The following SLAIN2 variants were observed in gnomAD, a reference collection of about 807,000 sequenced individuals.
SLAIN2 encodes SLAIN family member 2.
SLAIN2 carries 31 observed loss-of-function variants against 56.6 expected under a neutral mutation model. The ratio of observed to expected loss-of-function variants is 0.55; its 90% CI spans 0.41 to 0.74. The LOEUF (loss-of-function observed/expected upper bound fraction) is 0.74. Ranked by LOEUF, SLAIN2 falls within the 30% of genes least tolerant of loss-of-function variation. The probability of loss-of-function intolerance (pLI) is 0.00; values close to 1 mark genes in which losing one functional copy is unlikely to be tolerated. For missense variants in SLAIN2, 777 were observed against 754.2 expected, an observed-to-expected ratio of 1.03 and a Z score of -0.35; for synonymous variants, 317 against 284.9, an observed-to-expected ratio of 1.11 and a Z score of -1.13.
At chr4:48,376,065 TAAGAG>T (rs1715801529) in intron 2 of SLAIN2, among the ~76,000 whole-genome samples, 1 of 152,262 alleles carries the variant, frequency 6.6e-6, no homozygotes, top group Non-Finnish European at 1.5e-5. Context: ...GCAAGCCTCT[TAAGAG>T]AGAGAGCACC....
At chr4:48,406,185 T>C (rs1183522507) in intron 6 of SLAIN2, among the ~76,000 whole-genome samples, 3 of 152,166 alleles carry the variant, frequency 2.0e-5, no homozygotes, top group African/African-American at 7.2e-5. Context: ...TGGTAGGCAA[T>C]GGTATTTCAA....
At position 48,423,834 on chromosome 4, in the gene SLAIN2, A is replaced by G. The variant is rs554426750; in HGVS notation, c.*1757A>G. ...GGATGGCGCCAGAATTCTACATGAT[A>G]ATGAACTAAAAAATGTTGCTTTTCA... is the stretch of plus-strand genomic sequence containing the variant. On this transcript the variant is annotated 3_prime_UTR_variant, in exon 8 of 8. Coordinates refer to ENST00000264313, the MANE Select transcript of SLAIN2 (RefSeq NM_020846.2). 13 of 152,254 alleles carry G rather than the reference A, an allele frequency of 8.5e-5. No homozygotes were observed. In the East Asian group the frequency reaches 2.5e-3, roughly 29 times the overall value. The allele number at this position is 152,254 out of a possible 1,614,324, so 9.4% of individuals were successfully genotyped here.
At chr4:48,379,087 T>C (rs1275001035) in intron 3 of SLAIN2, among the ~76,000 whole-genome samples, 2 of 152,150 alleles carry the variant, frequency 1.3e-5, no homozygotes, top group Non-Finnish European at 2.9e-5. Context: ...AAGTTAGACT[T>C]TTTTGGATGT....
chr4:48,381,863 C>CT (rs1295107499), intron 4 of SLAIN2, among the ~76,000 whole-genome samples: 1 of 152,026 alleles, frequency 6.6e-6, no homozygotes, highest in East Asian at 1.9e-4. Flanking sequence ...TACGTATCAA[C>CT]TTTTTTTTCT....
intron 1 of SLAIN2, among the ~76,000 whole-genome samples, chr4:48,369,530 C>G (rs1385956031): frequency 1.3e-5 from 2 of 152,152 alleles, no homozygotes; most frequent in Non-Finnish European, 2.9e-5. Context: ...ATTTAATAAT[C>G]TGGCTATATT....
intron 1 of SLAIN2, among the ~76,000 whole-genome samples, chr4:48,343,567 T>C (rs1714783226): frequency 6.6e-6 from 1 of 152,156 alleles, no homozygotes; most frequent in African/African-American, 2.4e-5. Context: ...CAAAGAGTGA[T>C]AGAACAAAGA....
At chr4:48,379,992 A>G (rs923863169) in intron 4 of SLAIN2, 144 bp downstream of exon 4, 3 of 752,600 alleles carry the variant, frequency 4.0e-6, no homozygotes, top group African/African-American at 1.8e-5. Context: ...CTTAGTCAAC[A>G]TATGTACATG....
intron 3 of SLAIN2, among the ~76,000 whole-genome samples, chr4:48,378,263 C>A (rs1228772498): frequency 6.6e-6 from 1 of 152,142 alleles, no homozygotes; most frequent in South Asian, 2.1e-4. Context: ...GTGCTAAATA[C>A]ATAAAATTTT....
At chr4:48,414,024 A>T (rs1231351021) in intron 6 of SLAIN2, among the ~76,000 whole-genome samples, 1 of 152,186 alleles carries the variant, frequency 6.6e-6, no homozygotes, top group Admixed American at 6.5e-5. Context: ...AAAAGAAAAA[A>T]TATTTTAAGA....
chr4:48,370,052 C>G, intron 2 of SLAIN2, 55 bp downstream of exon 2: 1 of 1,556,690 alleles, frequency 6.4e-7, no homozygotes, highest in South Asian at 1.2e-5. Flanking sequence ...TAGTCAAAAA[C>G]CATAAATATT....
At chr4:48,417,424 A>T (rs1717024201) in intron 6 of SLAIN2, among the ~76,000 whole-genome samples, 3 of 35,740 alleles carry the variant, frequency 8.4e-5, no homozygotes, top group East Asian at 5.5e-4. Context: ...CAGAGGTACA[A>T]GGAGGAACTG....
intron 1 of SLAIN2, among the ~76,000 whole-genome samples, chr4:48,352,860 C>T (rs945633615): frequency 3.9e-5 from 6 of 152,138 alleles, no homozygotes; most frequent in African/African-American, 1.4e-4. Flanking sequence ...ATAAGCCCCA[C>T]GTGTTGTGGG....
chr4:48,424,310 CT>C lies in SLAIN2; in HGVS notation c.*2234del, dbSNP rs1018847024. On this transcript the variant is annotated 3_prime_UTR_variant, in exon 8 of 8. Coordinates refer to ENST00000264313, the MANE Select transcript of SLAIN2 (RefSeq NM_020846.2). Reference sequence around the variant, plus strand: ...AAAGCCTTTGTATATTGCAATTTTTCTGTTTGGGAAAATCTAAGGATTTACT... The same window carrying C: ...AAAGCCTTTGTATATTGCAATTTTTCGTTTGGGAAAATCTAAGGATTTACT... 1.3e-5 allele frequency: 2 copies of C among 151,906 alleles called. No individual in the cohort carries two copies. The highest frequency in any genetic ancestry group is 4.8e-5 in the African/African-American group (2 of 41,366). The allele number at this position is 151,906 out of a possible 1,614,324, so 9.4% of individuals were successfully genotyped here. A position where few individuals can be genotyped will look rare whatever the true frequency, so the allele number is the denominator to read the frequency against.
chr4:48,387,503 T>C (rs1205235456), intron 6 of SLAIN2: 1 of 152,030 alleles, frequency 6.6e-6, no homozygotes, highest in Non-Finnish European at 1.5e-5. Flanking sequence ...ATTTCAGTAC[T>C]TGAATATGTA....
At chr4:48,346,634 A>G (rs976542309) in intron 1 of SLAIN2, among the ~76,000 whole-genome samples, 1 of 152,210 alleles carries the variant, frequency 6.6e-6, no homozygotes, top group African/African-American at 2.4e-5. Context: ...GCCTAAGTTA[A>G]TAAAGCAATT....
intron 1 of SLAIN2, among the ~76,000 whole-genome samples, chr4:48,364,242 G>A (rs1301581144): frequency 3.4e-5 from 3 of 87,470 alleles, no homozygotes; most frequent in African/African-American, 1.2e-4. Context: ...CAGATGGGGC[G>A]GCGGGGCAGA....
intron 6 of SLAIN2, among the ~76,000 whole-genome samples, chr4:48,389,108 A>G (rs545940347): frequency 2.0e-5 from 3 of 152,234 alleles, no homozygotes; most frequent in African/African-American, 2.4e-5. Context: ...ATTGAAATAA[A>G]TAAGTCATGA....
chr4:48,365,852 C>T (rs1436341377), intron 1 of SLAIN2, among the ~76,000 whole-genome samples: 4 of 152,262 alleles, frequency 2.6e-5, no homozygotes, highest in East Asian at 1.9e-4. Flanking sequence ...CGTGAGCCAC[C>T]GCACCCAGCC....
chr4:48,373,447 A>G (rs1285242805), intron 2 of SLAIN2, among the ~76,000 whole-genome samples: 7 of 151,952 alleles, frequency 4.6e-5, no homozygotes, highest in African/African-American at 1.7e-4. Context: ...GTCTAGTATC[A>G]CCTCTGTTGA....
Sources: gnomAD v4.1 joint callset for allele counts (sites outside exome capture counted in the v4.1 genomes callset) on GRCh38, gnomAD v4.1.1 for gene constraint, MANE v1.5 for transcripts, NCBI Gene and HGNC (gene_info 2026-07-23, HGNC 2026-07-21) for gene names.